The following DENND1A variants were observed in gnomAD, a reference collection of about 807,000 sequenced individuals.
The protein encoded by DENND1A is DENN domain containing 1A.
In DENND1A, 51 loss-of-function variants were observed where a neutral mutation model predicts 113.7. The ratio of observed to expected loss-of-function variants is 0.45; its 90% CI spans 0.36 to 0.57. The LOEUF (loss-of-function observed/expected upper bound fraction) is 0.57. Among genes scored for constraint, DENND1A ranks in the 20% least tolerant of loss-of-function variants. The pLI is 0.00. For missense variants in DENND1A, 1,258 were observed against 1,395.9 expected, an observed-to-expected ratio of 0.90 and a Z score of 1.57; for synonymous variants, 565 against 570.8, an observed-to-expected ratio of 0.99 and a Z score of 0.14.
chr9:123,840,332 G>A (rs1236040725), intron 2 of DENND1A, among the ~76,000 whole-genome samples: 1 of 149,798 alleles, frequency 6.7e-6, no homozygotes, highest in Non-Finnish European at 1.5e-5. Flanking sequence ...GCTCTTTGAT[G>A]TTTCTTTGTC....
intron 19 of DENND1A, among the ~76,000 whole-genome samples, chr9:123,416,192 T>G (rs2044713012): frequency 6.6e-6 from 1 of 152,056 alleles, no homozygotes; most frequent in African/African-American, 2.4e-5. Flanking sequence ...CTGACTCAGC[T>G]CTGGTTGTCT....
intron 1 of DENND1A, among the ~76,000 whole-genome samples, chr9:123,902,079 A>G (rs544396011): frequency 7.2e-5 from 11 of 152,054 alleles, no homozygotes; most frequent in Non-Finnish European, 1.3e-4. Flanking sequence ...ATCGGCCCTC[A>G]TGACCTCTCT....
intron 13 of DENND1A, among the ~76,000 whole-genome samples, chr9:123,537,872 C>A (rs1294256389): frequency 6.6e-6 from 1 of 152,180 alleles, no homozygotes; most frequent in Non-Finnish European, 1.5e-5. Context: ...TAACAACGGA[C>A]AGAATATTGT....
intron 18 of DENND1A, among the ~76,000 whole-genome samples, chr9:123,444,918 C>T (rs1457405145): frequency 6.6e-6 from 1 of 152,210 alleles, no homozygotes; most frequent in East Asian, 1.9e-4. Context: ...AGACGCCAGA[C>T]AGAGCTACAT....
intron 11 of DENND1A, among the ~76,000 whole-genome samples, chr9:123,601,813 A>T (rs2059945494): frequency 6.6e-6 from 1 of 152,232 alleles, no homozygotes; most frequent in Admixed American, 6.5e-5. Context: ...GGACCAGGTA[A>T]GAGTGGACCA....
intron 1 of DENND1A, among the ~76,000 whole-genome samples, chr9:123,911,101 A>C (rs1166363283): frequency 6.6e-6 from 1 of 152,226 alleles, no homozygotes; most frequent in Non-Finnish European, 1.5e-5. Context: ...ATAGTGAAAA[A>C]CAGGAAAAGA....
chr9:123,458,035 C>T (rs2048270838), intron 13 of DENND1A, 138 bp from the exon 14 acceptor site: 1 of 628,326 alleles, frequency 1.6e-6, no homozygotes, highest in African/African-American at 2.0e-5. Flanking sequence ...GAGTCTCACT[C>T]TGTCACCCAG....
intron 8 of DENND1A, among the ~76,000 whole-genome samples, chr9:123,654,039 T>G (rs1248671575): frequency 6.6e-6 from 1 of 152,074 alleles, no homozygotes; most frequent in African/African-American, 2.4e-5. Flanking sequence ...ACTTGCCTCT[T>G]AACAAACTCA....
intron 2 of DENND1A, among the ~76,000 whole-genome samples, chr9:123,801,237 C>A (rs1834613456): frequency 1.3e-5 from 2 of 152,172 alleles, no homozygotes; most frequent in Admixed American, 1.3e-4. Context: ...CATTGTTGTG[C>A]CACAATCACC....
At chr9:123,838,050 C>A (rs1841298624) in intron 2 of DENND1A, among the ~76,000 whole-genome samples, 1 of 152,144 alleles carries the variant, frequency 6.6e-6, no homozygotes, top group Non-Finnish European at 1.5e-5. Flanking sequence ...TTTAACCAAC[C>A]CATACTGATG....
chr9:123,528,307 C>T (rs2055012142), intron 13 of DENND1A, among the ~76,000 whole-genome samples: 1 of 152,182 alleles, frequency 6.6e-6, no homozygotes, highest in African/African-American at 2.4e-5. Flanking sequence ...TCTTCTTGGG[C>T]AGCTTCTCCA....
intron 5 of DENND1A, among the ~76,000 whole-genome samples, chr9:123,739,922 GA>G (rs74357014): frequency 0.19 from 22,539 of 118,796 alleles, 1,859 homozygotes; most frequent in Middle Eastern, 0.26. Context: ...GTACATAGGA[GA>G]AAAAAAAAAA....
chr9:123,845,251 C>A lies in DENND1A; in HGVS notation c.88+33700G>T, dbSNP rs117581485. 2.3e-3 allele frequency among the ~76,000 whole-genome samples: 350 copies of A among 151,732 alleles called. 3 individuals carry two copies. The highest frequency in any genetic ancestry group is 4.5e-3 in the Non-Finnish European group (304 of 67,874). ...ACAAAAAAAAAATCAACAAGGAAAC[C>A]AAAACAACTCAATGGAGAATTAATA... On this transcript the variant is annotated intron_variant, in intron 2 of 23. Transcript: ENST00000394215.
At chr9:123,638,546 T>C (rs760776769) in intron 9 of DENND1A, among the ~76,000 whole-genome samples, 5 of 152,322 alleles carry the variant, frequency 3.3e-5, no homozygotes, top group South Asian at 2.1e-4. Flanking sequence ...CTTGGCTCAC[T>C]GCAACCTCTG....
At chr9:123,640,581 C>A (rs2061977165) in intron 9 of DENND1A, among the ~76,000 whole-genome samples, 1 of 152,230 alleles carries the variant, frequency 6.6e-6, no homozygotes, top group African/African-American at 2.4e-5. Flanking sequence ...ATTCAGAAGT[C>A]TCCTAGGATC....
intron 19 of DENND1A, among the ~76,000 whole-genome samples, chr9:123,433,310 C>T (rs1183117132): frequency 6.6e-6 from 1 of 152,198 alleles, no homozygotes; most frequent in East Asian, 1.9e-4. Context: ...GCTTCATCCA[C>T]TCTAACTCAT....
At chr9:123,845,670 CAA>C (rs555731367) in intron 2 of DENND1A, among the ~76,000 whole-genome samples, 3,932 of 43,840 alleles carry the variant, frequency 0.09, 53 homozygotes, top group African/African-American at 0.14. Flanking sequence ...AACCTGTCTC[CAA>C]AAAAAAAAAA....
intron 2 of DENND1A, among the ~76,000 whole-genome samples, chr9:123,836,796 A>G (rs1435985886): frequency 2.0e-5 from 3 of 152,258 alleles, no homozygotes; most frequent in Non-Finnish European, 4.4e-5. Flanking sequence ...ACATTACAAA[A>G]TTTCCCAGAC....
intron 7 of DENND1A, 146 bp downstream of exon 7, chr9:123,671,145 T>C: frequency 1.1e-6 from 1 of 876,522 alleles, no homozygotes. Context: ...CTCTCTGGCC[T>C]ATCTTGAACT....
Sources: allele counts gnomAD v4.1 joint callset (sites outside exome capture counted in the v4.1 genomes callset), GRCh38; gene constraint gnomAD v4.1.1; transcripts MANE v1.5; gene names NCBI Gene and HGNC (gene_info 2026-07-23, HGNC 2026-07-21).